Variants in ALPK3 observed in about 807,000 individuals in gnomAD.
ALPK3 encodes the protein alpha-protein kinase 3.
A neutral mutation model predicts 140.0 loss-of-function variants in ALPK3; 102 were observed. The ratio of observed to expected loss-of-function variants is 0.73; its 90% CI spans 0.62 to 0.86. The LOEUF (loss-of-function observed/expected upper bound fraction) is 0.86, where lower values mean the gene tolerates loss of function less well. ALPK3 is among the 40% of genes least tolerant of loss of function. The pLI is 0.00. For missense variants in ALPK3, 2,254 were observed against 2,208.2 expected, an observed-to-expected ratio of 1.02 and a Z score of -0.42; for synonymous variants, 938 against 898.5, an observed-to-expected ratio of 1.04 and a Z score of -0.79.
intron 7 of ALPK3, among the ~76,000 whole-genome samples, 172 bp downstream of exon 7, chr15:84,859,562 C>G (rs187231414): frequency 1.3e-5 from 2 of 152,338 alleles, no homozygotes; most frequent in East Asian, 3.9e-4. Context: ...ATTCTTTAAG[C>G]CACTTGTCCA....
Position 84,873,150 on chromosome 15 carries a change from G to C in ALPK3, c.*4694G>C, listed in dbSNP as rs932015622. 3.3e-5 allele frequency: 5 copies of C among 152,170 alleles called. No homozygotes were observed. Among genetic ancestry groups the C allele is most frequent in the Non-Finnish European group, 4.4e-5 (3 of 68,040 alleles). 9.4% of individuals were successfully genotyped at this position (152,170 alleles called of 1,614,324 possible). Reference sequence around the variant, plus strand: ...CAAGCAGCCTCCCAGGCCTAGAGAGGAAAATCAGCAGAGCCTCGTGAATGT... The same window carrying C: ...CAAGCAGCCTCCCAGGCCTAGAGAGCAAAATCAGCAGAGCCTCGTGAATGT... On this transcript the variant is annotated 3_prime_UTR_variant, in exon 14 of 14. Transcript: ENST00000258888.
chr15:84,818,411 G>A (rs1016386232), intron 1 of ALPK3, among the ~76,000 whole-genome samples: 1 of 152,206 alleles, frequency 6.6e-6, no homozygotes, highest in Non-Finnish European at 1.5e-5. Flanking sequence ...GTGGACAGGC[G>A]CATTGCCATG....
intron 3 of ALPK3, among the ~76,000 whole-genome samples, chr15:84,833,341 C>A (rs1963564544): frequency 6.6e-6 from 1 of 152,172 alleles, no homozygotes; most frequent in Admixed American, 6.5e-5. Flanking sequence ...TCTCTATGAT[C>A]ACCATAGTAC....
At chr15:84,819,343 G>A (rs1252296789) in intron 1 of ALPK3, among the ~76,000 whole-genome samples, 1 of 152,228 alleles carries the variant, frequency 6.6e-6, no homozygotes, top group Non-Finnish European at 1.5e-5. Flanking sequence ...GAAAGCTTTG[G>A]ACTTTGGGCT....
At position 84,839,874 on chromosome 15, in the gene ALPK3, A is replaced by G. The variant is rs780267653; in HGVS notation, c.595A>G (p.Ser199Gly). 2.0e-5 allele frequency: 32 copies of G among 1,613,964 alleles called. No individual in the cohort carries two copies. The Admixed American group carries it at 3.0e-4, about 15-fold the overall frequency. ...GGCAAAGCTGCGCGAGATCGAGCAG[A>G]GCTGGAAGCACGAGAAGGCGGTGCC... Reference protein sequence around the residue: ...AAAKLREIEQSWKHEKAVPGE... With the variant: ...AAAKLREIEQGWKHEKAVPGE... Residue 199 changes from serine (S) to glycine (G), a missense_variant, in exon 5 of 14, where the codon AGC becomes GGC. By Grantham distance (56) the Ser-to-Gly change is moderately conservative. This residue lies in a region of ALPK3 where 2,088 missense variants were observed against 2,022.9 expected (regional missense o/e 1.03). Coordinates refer to ENST00000258888, the MANE Select transcript of ALPK3 (RefSeq NM_020778.5).
rs551289064 is a variant in ALPK3, at chr15:84,868,683, C to T, written c.*227C>T. ...TCTGGTGCCACTGTCACCCAGGGCT[C>T]CCGGGCCTCAAGCAGTCCCCACCTC... On this transcript the variant is annotated 3_prime_UTR_variant, in exon 14 of 14. Transcript: ENST00000258888. The T allele has an allele frequency of 1.7e-5, 10 of 577,860 alleles. No homozygotes were observed. The South Asian group carries it at 2.2e-4, about 13-fold the overall frequency. The allele number at this position is 577,860 out of a possible 1,614,324, so 35.8% of individuals were successfully genotyped here. A position where few individuals can be genotyped will look rare whatever the true frequency, so the allele number is the denominator to read the frequency against.
intron 3 of ALPK3, 115 bp downstream of exon 3, chr15:84,827,720 G>A: frequency 7.1e-7 from 1 of 1,402,810 alleles, no homozygotes; most frequent in Non-Finnish European, 9.7e-7. Context: ...ACTACGTGAG[G>A]TGACATTTAC....
intron 2 of ALPK3, among the ~76,000 whole-genome samples, chr15:84,825,890 G>T (rs768416375): frequency 6.6e-6 from 1 of 152,170 alleles, no homozygotes; most frequent in Non-Finnish European, 1.5e-5. Flanking sequence ...TTTCTGAGTG[G>T]CTTAAGAAGA....
In ALPK3 at chr15:84,867,477, C is replaced by T. The variant is rs1596159268; in HGVS notation, c.4772+112C>T. ...GGTGCTGGGCCTGGGGCCAAGTGGT[C>T]CCAGACACACCCATGGCCATGTGGT... On this transcript the variant is annotated intron_variant, in intron 13 of 13. Coordinates refer to ENST00000258888, the MANE Select transcript of ALPK3 (RefSeq NM_020778.5). The T allele has an allele frequency of 1.0e-5, 12 of 1,178,516 alleles. No homozygotes were observed. The East Asian group carries it at 2.9e-4, about 28-fold the overall frequency. The allele number at this position is 1,178,516 out of a possible 1,614,324, so 73.0% of individuals were successfully genotyped here.
In ALPK3 at chr15:84,840,773, C is replaced by A. The variant is rs1310139705; in HGVS notation, c.1494C>A (p.Pro498=). Residue 498 remains proline (P), a synonymous_variant, in exon 5 of 14, where the codon CCC becomes CCA. Transcript: ENST00000258888. ...PKGEATTDSK[P]ISSLSQAPEC... is the part of the protein sequence containing the mutation. ...GAGAGGCCACCACTGACAGCAAGCC[C>A]ATTTCTTCTCTGAGTCAAGCTCCAG... 3.1e-6 allele frequency: 5 copies of A among 1,614,118 alleles called. No homozygotes were observed. The highest frequency in any genetic ancestry group is 4.2e-6 in the Non-Finnish European group (5 of 1,180,058).
At chr15:84,866,936 C>T (rs1030589233) in intron 12 of ALPK3, among the ~76,000 whole-genome samples, 20 of 152,136 alleles carry the variant, frequency 1.3e-4, no homozygotes, top group Admixed American at 7.9e-4. Flanking sequence ...TCCAAAAAAA[C>T]GGAACCCTTA....
intron 5 of ALPK3, 113 bp from the exon 6 acceptor site, chr15:84,856,279 A>G: frequency 6.9e-7 from 1 of 1,451,892 alleles, no homozygotes. Context: ...CCAGGAGGCA[A>G]GATTCCCATC....
intron 5 of ALPK3, among the ~76,000 whole-genome samples, chr15:84,849,324 T>C (rs1241000891): frequency 6.6e-6 from 1 of 152,176 alleles, no homozygotes; most frequent in Non-Finnish European, 1.5e-5. Context: ...AGTTGGAGAC[T>C]TTAACACTCC....
At chr15:84,863,811 T>C (rs1963975230) in intron 11 of ALPK3, among the ~76,000 whole-genome samples, 171 bp downstream of exon 11, 1 of 152,198 alleles carries the variant, frequency 6.6e-6, no homozygotes, top group South Asian at 2.1e-4. Context: ...AATAGAGACC[T>C]CATTTACTCT....
chr15:84,857,000 A>G lies in ALPK3; in HGVS notation c.2262A>G (p.Glu754=), dbSNP rs143456491. 773 of 1,614,022 alleles carry G rather than the reference A, an allele frequency of 4.8e-4. 2 individuals are homozygous for G. Among genetic ancestry groups the G allele is most frequent in the Non-Finnish European group, 5.7e-4 (677 of 1,180,024 alleles). ...GTCCTAGAGCTCCTCTGAATATTGA[A>G]TGTTTTGTACAGACCCCAGAAGGGT... ...TAGPRAPLNI[E]CFVQTPEGSC... Residue 754 remains glutamate, a synonymous_variant, in exon 6 of 14, where the codon GAA becomes GAG. Coordinates refer to ENST00000258888, the MANE Select transcript of ALPK3 (RefSeq NM_020778.5).
intron 3 of ALPK3, among the ~76,000 whole-genome samples, chr15:84,838,600 C>CATTATTATTATT (rs10625181): frequency 1.2e-3 from 133 of 115,048 alleles, no homozygotes; most frequent in African/African-American, 4.2e-3. Context: ...TCTCTCCTCC[C>CATTATTATTATT]ATTATTATTA....
Position 84,847,208 on chromosome 15 carries a change from G to GGAGAGA in ALPK3, c.1653+6312_1653+6317dup, listed in dbSNP as rs55944419. Among the ~76,000 whole-genome samples, 606 of 116,594 alleles carry GGAGAGA rather than the reference G, an allele frequency of 5.2e-3. 8 individuals are homozygous for GGAGAGA. Among genetic ancestry groups the GGAGAGA allele is most frequent in the African/African-American group, 0.011 (317 of 28,040 alleles). 76.5% of individuals were successfully genotyped at this position (116,594 alleles called of 152,430 possible). ...GAGAGAGGAAGGGAGGGAGAAACGG[G>GGAGAGA]GAGAGAGAGAGAGAGAGAGAGAGAG... On this transcript the variant is annotated intron_variant, in intron 5 of 13. Transcript: ENST00000258888.
At chr15:84,825,615 A>T (rs1963477945) in intron 2 of ALPK3, among the ~76,000 whole-genome samples, 1 of 152,226 alleles carries the variant, frequency 6.6e-6, no homozygotes, top group Admixed American at 6.5e-5. Context: ...CTTAAGCTGA[A>T]TATTGGATCC....
chr15:84,817,647 C>G (rs1199321108), intron 1 of ALPK3, 52 bp downstream of exon 1: 1 of 1,454,112 alleles, frequency 6.9e-7, no homozygotes, highest in African/African-American at 1.5e-5. Context: ...GCCCTGGGAT[C>G]AGTCCCTGTG....
Sources: allele counts gnomAD v4.1 joint callset (sites outside exome capture counted in the v4.1 genomes callset), GRCh38; gene constraint gnomAD v4.1.1; regional missense constraint gnomAD v4.1.1; transcripts MANE v1.5; gene names NCBI Gene and HGNC (gene_info 2026-07-23, HGNC 2026-07-21).